The following P3H2 variants were observed in gnomAD, a reference collection of about 807,000 sequenced individuals.
P3H2 encodes the protein prolyl 3-hydroxylase 2.
P3H2 carries 80 observed loss-of-function variants against 87.0 expected under a neutral mutation model. The ratio of observed to expected loss-of-function variants is 0.92; its 90% CI spans 0.77 to 1.11. The LOEUF is 1.11. P3H2 is among the 50% of genes least tolerant of loss of function. The probability of loss-of-function intolerance (pLI) is 0.00; values close to 1 mark genes in which losing one functional copy is unlikely to be tolerated. For synonymous variants in P3H2, 367 were observed against 359.3 expected (o/e 1.02, Z -0.24); for missense variants, 1,001 against 923.9 (o/e 1.08, Z -1.08).
intron 1 of P3H2, among the ~76,000 whole-genome samples, chr3:190,002,658 C>T (rs959656206): frequency 1.4e-4 from 21 of 152,164 alleles, no homozygotes; most frequent in African/African-American, 4.8e-4. Context: ...CTTGGCCTAC[C>T]AAAGTGCTGG....
At chr3:190,066,711 T>C (rs933164754) in intron 1 of P3H2, among the ~76,000 whole-genome samples, 1 of 152,182 alleles carries the variant, frequency 6.6e-6, no homozygotes, top group Non-Finnish European at 1.5e-5. Flanking sequence ...TCCCTCTACT[T>C]CAAATAATTT....
At chr3:190,003,755 A>G (rs1280186285) in intron 1 of P3H2, among the ~76,000 whole-genome samples, 1 of 152,188 alleles carries the variant, frequency 6.6e-6, no homozygotes, top group African/African-American at 2.4e-5. Flanking sequence ...AAATGCTAGG[A>G]CAGGGTAAGA....
chr3:190,022,481 G>A (rs895859801), intron 1 of P3H2, among the ~76,000 whole-genome samples: 2 of 135,344 alleles, frequency 1.5e-5, no homozygotes, highest in Admixed American at 1.5e-4. Flanking sequence ...AAATAATGAA[G>A]TGAAAGTCTC....
chr3:189,992,052 T>C (rs2108922242), intron 3 of P3H2, among the ~76,000 whole-genome samples: 1 of 152,280 alleles, frequency 6.6e-6, no homozygotes, highest in South Asian at 2.1e-4. Context: ...GATTGAAAGG[T>C]AACTTGGTTT....
At chr3:189,966,119 AAGAAAAAGAAAG>A (rs1253546490) in intron 13 of P3H2, among the ~76,000 whole-genome samples, 77 of 101,542 alleles carry the variant, frequency 7.6e-4, no homozygotes, top group African/African-American at 1.5e-3. Flanking sequence ...GAAAGAAAGA[AAGAAAAAGAAAG>A]AAAGAAAGAA....
chr3:190,104,395 G>A (rs376931259), intron 1 of P3H2, among the ~76,000 whole-genome samples: 43 of 152,104 alleles, frequency 2.8e-4, no homozygotes, highest in African/African-American at 9.9e-4. Context: ...CACTCCTCCC[G>A]CTCCCAACTA....
intron 8 of P3H2, among the ~76,000 whole-genome samples, chr3:189,980,810 T>C (rs1468766093): frequency 6.6e-6 from 1 of 152,150 alleles, no homozygotes; most frequent in Non-Finnish European, 1.5e-5. Context: ...TTGATCACAC[T>C]TAAGTTTATG....
At chr3:190,053,727 G>A (rs959763750) in intron 1 of P3H2, among the ~76,000 whole-genome samples, 7 of 152,000 alleles carry the variant, frequency 4.6e-5, no homozygotes, top group African/African-American at 1.7e-4. Flanking sequence ...CAAAGTGCTG[G>A]GATTACAGGA....
At chr3:190,029,016 C>T (rs866032351) in intron 1 of P3H2, among the ~76,000 whole-genome samples, 1 of 152,182 alleles carries the variant, frequency 6.6e-6, no homozygotes, top group South Asian at 2.1e-4. Flanking sequence ...GAATTTACTA[C>T]TAATTCAAAA....
At chr3:190,009,172 G>A (rs1724487965) in intron 1 of P3H2, among the ~76,000 whole-genome samples, 1 of 152,080 alleles carries the variant, frequency 6.6e-6, no homozygotes, top group African/African-American at 2.4e-5. Context: ...TGGGAGTGGG[G>A]TTTGAAAGAG....
intron 14 of P3H2, among the ~76,000 whole-genome samples, chr3:189,962,529 A>G (rs1560337029): frequency 2.0e-5 from 3 of 152,192 alleles, no homozygotes. Flanking sequence ...CTGAGCTTAT[A>G]GAAGTCTTCC....
chr3:189,988,385 G>GTA (rs10662541), intron 4 of P3H2, among the ~76,000 whole-genome samples: 116,237 of 151,586 alleles, frequency 0.77, 44,709 homozygotes, highest in East Asian at 0.92. Context: ...ACGTATGTGT[G>GTA]TATATATATG....
intron 1 of P3H2, among the ~76,000 whole-genome samples, chr3:190,035,930 G>A (rs1725404792): frequency 6.6e-6 from 1 of 152,150 alleles, no homozygotes. Context: ...CAATTGTTAA[G>A]TTACTTAGTT....
upstream of P3H2, among the ~76,000 whole-genome samples, chr3:190,121,831 C>T (rs965762943): frequency 6.6e-6 from 1 of 152,098 alleles, no homozygotes; most frequent in African/African-American, 2.4e-5. Context: ...GTGGCTCACC[C>T]CTGTAATCCC....
intron 13 of P3H2, among the ~76,000 whole-genome samples, chr3:189,966,403 A>G (rs1577243544): frequency 6.6e-6 from 1 of 152,236 alleles, no homozygotes; most frequent in East Asian, 1.9e-4. Context: ...AATTTTAAAC[A>G]TGAATAACTT....
At chr3:190,100,551 T>C (rs1347735675) in intron 1 of P3H2, among the ~76,000 whole-genome samples, 8 of 152,080 alleles carry the variant, frequency 5.3e-5, no homozygotes, top group Non-Finnish European at 1.2e-4. Context: ...AATCACCTCA[T>C]TTTGTAAAAG....
intron 1 of P3H2, among the ~76,000 whole-genome samples, chr3:190,064,313 A>G (rs1328593675): frequency 6.6e-6 from 1 of 151,956 alleles, no homozygotes; most frequent in African/African-American, 2.4e-5. Flanking sequence ...GAACCCAGCC[A>G]GAATAAATAT....
chr3:190,098,928 G>A (rs1489266526), intron 1 of P3H2, among the ~76,000 whole-genome samples: 1 of 151,952 alleles, frequency 6.6e-6, no homozygotes, highest in African/African-American at 2.4e-5. Context: ...TAGTTGTCAA[G>A]GTTTATTTGA....
At chr3:190,108,802 G>T (rs1454354339) in intron 1 of P3H2, among the ~76,000 whole-genome samples, 1 of 152,126 alleles carries the variant, frequency 6.6e-6, no homozygotes, top group African/African-American at 2.4e-5. Flanking sequence ...TTAATTTAAT[G>T]AAAACTATTA....
Sources: gnomAD v4.1 joint callset for allele counts (sites outside exome capture counted in the v4.1 genomes callset) on GRCh38, gnomAD v4.1.1 for gene constraint, MANE v1.5 for transcripts, NCBI Gene and HGNC (gene_info 2026-07-23, HGNC 2026-07-21) for gene names.